Variants in ZCCHC14 observed in about 807,000 individuals in gnomAD.
ZCCHC14 encodes zinc finger CCHC-type containing 14.
A neutral mutation model predicts 85.0 loss-of-function variants in ZCCHC14; 16 were observed. The ratio of observed to expected loss-of-function variants is 0.19; its 90% CI spans 0.13 to 0.29. The LOEUF (loss-of-function observed/expected upper bound fraction) is 0.29, where lower values mean the gene tolerates loss of function less well. Among genes scored for constraint, ZCCHC14 ranks in the 10% least tolerant of loss-of-function variants. The pLI is 1.00. For synonymous variants in ZCCHC14, 775 were observed against 630.7 expected (o/e 1.23, Z -3.43); for missense variants, 1,303 against 1,443.5 (o/e 0.90, Z 1.58).
At position 87,460,044 on chromosome 16, in the gene ZCCHC14, A is replaced by G. The variant is rs1567533715; in HGVS notation, c.658T>C (p.Ser220Pro). The G allele has an allele frequency of 6.2e-7, 1 of 1,613,618 alleles. No individual in the cohort carries two copies. Among genetic ancestry groups the G allele is most frequent in the Admixed American group, 1.7e-5 (1 of 59,946 alleles). Reference sequence around the variant, plus strand: ...TTTCCTAAGGGCCTCTTGGGCAGCGACTCCTCCGTGGAATGTGCTGATGTG... The same window carrying G: ...TTTCCTAAGGGCCTCTTGGGCAGCGGCTCCTCCGTGGAATGTGCTGATGTG... ...LHTSAHSTEE[S>P]LPKRPLGKHS... The change falls in exon 2 of 13, where the codon TCG becomes CCG. Residue 220 changes from serine (S) to proline (P), a missense_variant. Around this residue, in one of 7 missense-constraint regions of ZCCHC14, gnomAD observed 389 missense variants for 397.8 expected, o/e 0.98. Coordinates refer to ENST00000671377, the MANE Select transcript of ZCCHC14 (RefSeq NM_015144.3).
intron 2 of ZCCHC14, among the ~76,000 whole-genome samples, chr16:87,449,150 T>G (rs1910576245): frequency 6.6e-6 from 1 of 152,162 alleles, no homozygotes; most frequent in Non-Finnish European, 1.5e-5. Flanking sequence ...AGGAAGGCGC[T>G]CATCTTGGGT....
At chr16:87,411,069 A>T (rs1374399900) in intron 12 of ZCCHC14, among the ~76,000 whole-genome samples, 1 of 152,258 alleles carries the variant, frequency 6.6e-6, no homozygotes, top group Admixed American at 6.5e-5. Context: ...AAGATGCAGC[A>T]TGGCTGAGGG....
intron 1 of ZCCHC14, among the ~76,000 whole-genome samples, chr16:87,479,155 A>T (rs1912154614): frequency 6.6e-6 from 1 of 152,068 alleles, no homozygotes; most frequent in Non-Finnish European, 1.5e-5. Flanking sequence ...GGTGGCTCAC[A>T]CCTGGAATCC....
At chr16:87,477,631 CTG>C (rs1463542618) in intron 1 of ZCCHC14, among the ~76,000 whole-genome samples, 1 of 152,224 alleles carries the variant, frequency 6.6e-6, no homozygotes, top group Non-Finnish European at 1.5e-5. Flanking sequence ...CTTAACCCCT[CTG>C]TGTCTGTTTT....
intron 10 of ZCCHC14, among the ~76,000 whole-genome samples, chr16:87,413,472 C>T (rs1382708784): frequency 6.6e-6 from 1 of 152,210 alleles, no homozygotes; most frequent in Non-Finnish European, 1.5e-5. Flanking sequence ...AGCGCACCCC[C>T]AGGAACTATC....
At chr16:87,487,714 G>GC (rs1170362890) in intron 1 of ZCCHC14, among the ~76,000 whole-genome samples, 1 of 152,250 alleles carries the variant, frequency 6.6e-6, no homozygotes, top group East Asian at 1.9e-4. Context: ...GTCTACAAAA[G>GC]CAAGCATGTG....
chr16:87,478,520 T>C (rs1038119358), intron 1 of ZCCHC14, among the ~76,000 whole-genome samples: 5 of 151,778 alleles, frequency 3.3e-5, no homozygotes, highest in South Asian at 4.1e-4. Flanking sequence ...TGTGAGTATC[T>C]ATTTGTGTCC....
At chr16:87,483,379 TA>T (rs1912375823) in intron 1 of ZCCHC14, among the ~76,000 whole-genome samples, 1 of 134,850 alleles carries the variant, frequency 7.4e-6, no homozygotes, top group African/African-American at 2.8e-5. Context: ...TAATCCCAGC[TA>T]CTTGGGTGGC....
intron 2 of ZCCHC14, among the ~76,000 whole-genome samples, chr16:87,457,515 G>T (rs1460798783): frequency 6.6e-6 from 1 of 152,202 alleles, no homozygotes; most frequent in Non-Finnish European, 1.5e-5. Flanking sequence ...GATGATGTAA[G>T]TCAGTATCTG....
rs1908317160 is a variant in ZCCHC14, at chr16:87,408,913, T to C, written c.*1367A>G. On this transcript the variant is annotated 3_prime_UTR_variant, in exon 13 of 13. Coordinates refer to ENST00000671377, the MANE Select transcript of ZCCHC14 (RefSeq NM_015144.3). ...ATTTTACCAATCAGTATTTTAACAT[T>C]GAAGACTTTAGCATTTTCGATAAGA... is the stretch of plus-strand genomic sequence containing the variant. 1 of 152,690 alleles carries C rather than the reference T, an allele frequency of 6.5e-6. No individual in the cohort carries two copies. Among genetic ancestry groups the C allele is most frequent in the African/African-American group, 2.4e-5 (1 of 41,468 alleles). 9.5% of individuals were successfully genotyped at this position (152,690 alleles called of 1,614,324 possible). A position where few individuals can be genotyped will look rare whatever the true frequency, so the allele number is the denominator to read the frequency against.
At chr16:87,441,073 G>A (rs1293513947) in intron 2 of ZCCHC14, among the ~76,000 whole-genome samples, 2 of 149,824 alleles carry the variant, frequency 1.3e-5, no homozygotes, top group South Asian at 2.1e-4. Context: ...GCGCCATCTC[G>A]GCTCACTGCA....
intron 2 of ZCCHC14, among the ~76,000 whole-genome samples, chr16:87,445,632 T>G (rs983921160): frequency 1.3e-5 from 2 of 152,196 alleles, no homozygotes; most frequent in Non-Finnish European, 2.9e-5. Context: ...CTTTGATATT[T>G]TATTACCAGA....
intron 2 of ZCCHC14, among the ~76,000 whole-genome samples, chr16:87,446,133 C>G (rs537006974): frequency 1.9e-4 from 29 of 148,942 alleles, no homozygotes; most frequent in African/African-American, 5.7e-4. Context: ...CGCCATTGCA[C>G]TCCAACCTGG....
intron 2 of ZCCHC14, among the ~76,000 whole-genome samples, chr16:87,447,107 T>G (rs921686403): frequency 6.6e-6 from 1 of 152,152 alleles, no homozygotes; most frequent in South Asian, 2.1e-4. Context: ...ATTCTGCCAA[T>G]AGACTAGGAA....
intron 1 of ZCCHC14, among the ~76,000 whole-genome samples, chr16:87,486,570 A>T (rs1410213723): frequency 6.6e-6 from 1 of 152,236 alleles, no homozygotes; most frequent in Non-Finnish European, 1.5e-5. Context: ...GTCCTTAAGC[A>T]GCACATGACT....
intron 10 of ZCCHC14, among the ~76,000 whole-genome samples, chr16:87,413,477 A>G (rs1007936493): frequency 1.3e-5 from 2 of 152,134 alleles, no homozygotes; most frequent in African/African-American, 4.8e-5. Context: ...ACCCCCAGGA[A>G]CTATCACAAC....
At chr16:87,431,101 T>C (rs925282557) in intron 3 of ZCCHC14, among the ~76,000 whole-genome samples, 3 of 151,214 alleles carry the variant, frequency 2.0e-5, no homozygotes, top group Middle Eastern at 3.4e-3. Context: ...ATCATGCTAC[T>C]GCACTCCAGC....
intron 2 of ZCCHC14, among the ~76,000 whole-genome samples, chr16:87,441,137 C>T (rs1322283095): frequency 2.0e-5 from 3 of 151,978 alleles, no homozygotes; most frequent in East Asian, 1.9e-4. Flanking sequence ...GGACTACAGG[C>T]GCCCGCCACC....
In ZCCHC14 at chr16:87,412,231, C is replaced by T. The variant is rs1908496668; in HGVS notation, c.2490G>A (p.Val830=). The T allele has an allele frequency of 1.9e-6, 3 of 1,612,538 alleles. No individual in the cohort carries two copies. The highest frequency in any genetic ancestry group is 2.5e-6 in the Non-Finnish European group (3 of 1,178,790). ...VAFSAMSSMP[V]GPLQGGFCAN... Reference sequence around the variant, plus strand: ...CACAGAAGCCACCCTGCAGGGGGCCCACTGGCATACTGCTCATTGCAGAAA... The same window carrying T: ...CACAGAAGCCACCCTGCAGGGGGCCTACTGGCATACTGCTCATTGCAGAAA... Residue 830 remains valine (V), a synonymous_variant, in exon 12 of 13, where the codon GTG becomes GTA. Coordinates refer to ENST00000671377, the MANE Select transcript of ZCCHC14 (RefSeq NM_015144.3).
Sources: gnomAD v4.1 joint callset for allele counts (sites outside exome capture counted in the v4.1 genomes callset) on GRCh38, gnomAD v4.1.1 for gene constraint, gnomAD v4.1.1 regional missense constraint, MANE v1.5 for transcripts, NCBI Gene and HGNC (gene_info 2026-07-23, HGNC 2026-07-21) for gene names.